Variants in AGPAT5 observed in about 807,000 individuals in gnomAD.
AGPAT5 encodes the protein 1-acylglycerol-3-phosphate O-acyltransferase 5.
In AGPAT5, 46 loss-of-function variants were observed where a neutral mutation model predicts 45.6. That is an observed-to-expected ratio of 1.01 (90% CI 0.80 to 1.29). The LOEUF (loss-of-function observed/expected upper bound fraction) is 1.29, where lower values mean the gene tolerates loss of function less well. AGPAT5 is among the 50% of genes most tolerant of loss of function. AGPAT5 has a pLI of 0.00. For synonymous variants in AGPAT5, 272 were observed against 167.0 expected (o/e 1.63, Z -4.85); for missense variants, 673 against 450.7 (o/e 1.49, Z -4.47).
At chr8:6,725,969 A>G (rs1190820606) in intron 2 of AGPAT5, among the ~76,000 whole-genome samples, 2 of 152,184 alleles carry the variant, frequency 1.3e-5, no homozygotes, top group Non-Finnish European at 2.9e-5. Context: ...GTTAAAATGC[A>G]TTTTTCTCAA....
At chr8:6,728,757 T>C (rs561962255) in intron 2 of AGPAT5, among the ~76,000 whole-genome samples, 2 of 152,206 alleles carry the variant, frequency 1.3e-5, no homozygotes, top group African/African-American at 2.4e-5. Context: ...TCAGAATTTA[T>C]TGTCTGCTTA....
At chr8:6,755,508 G>C (rs886193521) in intron 7 of AGPAT5, among the ~76,000 whole-genome samples, 2 of 152,194 alleles carry the variant, frequency 1.3e-5, no homozygotes, top group African/African-American at 4.8e-5. Context: ...GTCACATAAA[G>C]TGGTGTTACT....
intron 5 of AGPAT5, among the ~76,000 whole-genome samples, chr8:6,744,563 G>T (rs903239128): frequency 1.3e-5 from 2 of 152,080 alleles, no homozygotes; most frequent in African/African-American, 2.4e-5. Flanking sequence ...TTGGTTCGGG[G>T]TCCTGTGCTT....
At chr8:6,718,059 AT>A (rs1372236576) in intron 1 of AGPAT5, among the ~76,000 whole-genome samples, 2 of 152,216 alleles carry the variant, frequency 1.3e-5, no homozygotes, top group Admixed American at 1.3e-4. Flanking sequence ...TTGTCATGCT[AT>A]TTTGAAGACA....
At chr8:6,734,508 C>T (rs1587032678) in intron 4 of AGPAT5, among the ~76,000 whole-genome samples, 1 of 152,114 alleles carries the variant, frequency 6.6e-6, no homozygotes. Flanking sequence ...AGCTTAGTCA[C>T]GTTTTCCAGT....
intron 2 of AGPAT5, among the ~76,000 whole-genome samples, chr8:6,729,463 C>G (rs186820109): frequency 1.1e-4 from 16 of 150,970 alleles, no homozygotes; most frequent in Admixed American, 4.0e-4. Flanking sequence ...GTTTTCTTTT[C>G]GAGTATCGTT....
Position 6,708,841 on chromosome 8 carries a change from A to AC in AGPAT5, c.175dup (p.Gln59ProfsTer26). 1.9e-6 allele frequency: 3 copies of AC among 1,611,240 alleles called. No individual in the cohort carries two copies. The highest frequency in any genetic ancestry group is 2.5e-6 in the Non-Finnish European group (3 of 1,179,470). ...CTGGACGACCGGCTCTACTGCGTCTACCAGAGCATGGTGCTCTTCTTCTTC... is the reference window on the plus strand; with the variant it reads ...CTGGACGACCGGCTCTACTGCGTCTACCCAGAGCATGGTGCTCTTCTTCTTC... On this transcript the variant is annotated frameshift_variant, in exon 1 of 8. Coordinates refer to ENST00000285518, the MANE Select transcript of AGPAT5 (RefSeq NM_018361.5). LOFTEE classifies it high-confidence loss of function.
intron 7 of AGPAT5, among the ~76,000 whole-genome samples, chr8:6,756,390 G>T (rs1801834432): frequency 6.6e-6 from 1 of 152,072 alleles, no homozygotes; most frequent in Non-Finnish European, 1.5e-5. Context: ...ACTTTGGGAG[G>T]CTAAGGCAGG....
chr8:6,713,864 A>G (rs1450501712), intron 1 of AGPAT5, among the ~76,000 whole-genome samples: 2 of 152,224 alleles, frequency 1.3e-5, no homozygotes, highest in African/African-American at 4.8e-5. Flanking sequence ...ACATTGTTCC[A>G]AGTTTCTCAG....
chr8:6,754,350 A>G (rs1209313776), intron 6 of AGPAT5, among the ~76,000 whole-genome samples: 1 of 152,214 alleles, frequency 6.6e-6, no homozygotes, highest in Non-Finnish European at 1.5e-5. Context: ...TCTTTTACCA[A>G]TTATATAATA....
intron 2 of AGPAT5, among the ~76,000 whole-genome samples, chr8:6,727,871 T>C (rs963728051): frequency 1.4e-4 from 21 of 152,174 alleles, no homozygotes; most frequent in African/African-American, 5.1e-4. Flanking sequence ...AGTGGGCAAA[T>C]TACTTATCTC....
intron 5 of AGPAT5, among the ~76,000 whole-genome samples, chr8:6,743,590 C>G (rs144475041): frequency 6.6e-6 from 1 of 152,168 alleles, no homozygotes; most frequent in East Asian, 1.9e-4. Flanking sequence ...CAGATGGGGT[C>G]CTGCAGAAGT....
At chr8:6,720,251 A>T (rs1017499841) in intron 1 of AGPAT5, among the ~76,000 whole-genome samples, 11 of 73,240 alleles carry the variant, frequency 1.5e-4, no homozygotes, top group Non-Finnish European at 2.6e-4. Context: ...AATTTGATCA[A>T]CTTATCAAAA....
intron 7 of AGPAT5, among the ~76,000 whole-genome samples, chr8:6,755,452 A>T (rs945901586): frequency 1.3e-5 from 2 of 152,186 alleles, no homozygotes; most frequent in Non-Finnish European, 2.9e-5. Context: ...AACAACAAAC[A>T]CACAAAAAAA....
In AGPAT5 at chr8:6,755,088, C is replaced by G; in HGVS notation, c.783C>G (p.His261Gln). 1 of 1,603,194 alleles carries G rather than the reference C, an allele frequency of 6.2e-7. No homozygotes were observed. The highest frequency in any genetic ancestry group is 8.5e-7 in the Non-Finnish European group (1 of 1,176,576). Residue 261 changes from histidine to glutamine, a missense_variant, in exon 7 of 8, where the codon CAC becomes CAG. By Grantham distance (24) the His-to-Gln change is conservative. Coordinates refer to ENST00000285518, the MANE Select transcript of AGPAT5 (RefSeq NM_018361.5). ...LCKECPKIHI[H>Q]IDRIDKKDVP... is the part of the protein sequence containing the mutation. ...AAGAATGTCCAAAAATTCATATTCA[C>G]ATTGATCGTATCGACAAAAAAGATG...
chr8:6,760,437 T>G lies in AGPAT5; in HGVS notation c.*3049T>G, dbSNP rs1219932511. On this transcript the variant is annotated 3_prime_UTR_variant, in exon 8 of 8. Coordinates refer to ENST00000285518, the MANE Select transcript of AGPAT5 (RefSeq NM_018361.5). ...GGAAATATAGAAATATAAAATTTGC[T>G]TATTATAGACACACAGTAACTCCCA... 6.6e-6 allele frequency among the ~76,000 whole-genome samples: 1 copy of G among 152,060 alleles called. No individual in the cohort carries two copies. Among genetic ancestry groups the G allele is most frequent in the Non-Finnish European group, 1.5e-5 (1 of 68,010 alleles).
chr8:6,733,102 T>C (rs759989438), intron 4 of AGPAT5, among the ~76,000 whole-genome samples: 25 of 152,356 alleles, frequency 1.6e-4, no homozygotes, highest in Non-Finnish European at 2.5e-4. Flanking sequence ...TGTTAAATCA[T>C]TCAGTGTAAA....
chr8:6,754,610 C>T (rs567701571), intron 6 of AGPAT5, among the ~76,000 whole-genome samples: 7 of 152,164 alleles, frequency 4.6e-5, no homozygotes, highest in Middle Eastern at 3.4e-3. Context: ...CTGTGGAGCT[C>T]GCAGTCTGGT....
At chr8:6,729,099 A>G (rs1422711790) in intron 2 of AGPAT5, among the ~76,000 whole-genome samples, 1 of 152,232 alleles carries the variant, frequency 6.6e-6, no homozygotes, top group Non-Finnish European at 1.5e-5. Context: ...AGAAAAAGTT[A>G]ACTTGTGAAT....
Sources: gnomAD v4.1 joint callset for allele counts (sites outside exome capture counted in the v4.1 genomes callset) on GRCh38, gnomAD v4.1.1 for gene constraint, MANE v1.5 for transcripts, NCBI Gene and HGNC (gene_info 2026-07-23, HGNC 2026-07-21) for gene names.